The following AARS1 variants were observed in gnomAD, a reference collection of about 807,000 sequenced individuals.
The protein encoded by AARS1 is alanine--tRNA ligase, cytoplasmic.
AARS1 carries 72 observed loss-of-function variants against 108.9 expected under a neutral mutation model. The observed-to-expected ratio is 0.66, with a 90% confidence interval of 0.55 to 0.80. The LOEUF (loss-of-function observed/expected upper bound fraction) is 0.80. AARS1 is among the 30% of genes least tolerant of loss of function. AARS1 has a pLI of 0.00. For missense variants in AARS1, 1,193 were observed against 1,233.2 expected, an observed-to-expected ratio of 0.97 and a Z score of 0.49; for synonymous variants, 489 against 465.7, an observed-to-expected ratio of 1.05 and a Z score of -0.64.
At chr16:70,279,728 G>T (rs1211727397) in intron 2 of AARS1, among the ~76,000 whole-genome samples, 1 of 151,392 alleles carries the variant, frequency 6.6e-6, no homozygotes, top group Non-Finnish European at 1.5e-5. Context: ...TCTTGTTCAG[G>T]CGGCTCATGT....
chr16:70,271,626 C>T (rs1960405534), intron 5 of AARS1, among the ~76,000 whole-genome samples, 155 bp downstream of exon 5: 1 of 152,004 alleles, frequency 6.6e-6, no homozygotes, highest in African/African-American at 2.4e-5. Context: ...AGGTTTAGTT[C>T]ATGAAAGAAT....
Position 70,268,337 on chromosome 16 carries a change from G to C in AARS1, c.1005C>G (p.Ala335=). Residue 335 remains alanine, a synonymous_variant, in exon 8 of 21, where the codon GCC becomes GCG. Transcript: ENST00000261772. The part of the protein sequence containing the change: ...RRILRRAVRY[A]HEKLNASRGF... Reference sequence around the variant, plus strand: ...CCCTGCTGGCATTGAGCTTTTCATGGGCGTATCGGACAGCTCGGCGGAGAA... The same window carrying C: ...CCCTGCTGGCATTGAGCTTTTCATGCGCGTATCGGACAGCTCGGCGGAGAA... 6.2e-7 allele frequency: 1 copy of C among 1,614,098 alleles called. No individual in the cohort carries two copies. The highest frequency in any genetic ancestry group is 8.5e-7 in the Non-Finnish European group (1 of 1,180,016).
rs1194294732 is a variant in AARS1, at chr16:70,259,016, A to C, written c.1956T>G (p.Ala652=). ...CAATCATCTCATTAGCAATCTCTTC[A>C]GCCTTCTTGATCTGTTGGGTGGACA... The part of the protein sequence containing the change: ...GAMSTQQIKK[A]EEIANEMIEA... The change falls in exon 14 of 21, where the codon GCT becomes GCG. Residue 652 remains alanine, a synonymous_variant. Coordinates refer to ENST00000261772, the MANE Select transcript of AARS1 (RefSeq NM_001605.3). 2.5e-6 allele frequency: 4 copies of C among 1,614,170 alleles called. No individual in the cohort carries two copies. The highest frequency in any genetic ancestry group is 3.4e-6 in the Non-Finnish European group (4 of 1,180,024).
Position 70,253,954 on chromosome 16 carries a change from A to G in AARS1, c.2485T>C (p.Leu829=), listed in dbSNP as rs760816488. Residue 829 remains leucine (L), a synonymous_variant, in exon 18 of 21, where the codon TTG becomes CTG. Transcript: ENST00000261772. Reference sequence around the variant, plus strand: ...ACATCGGCTTTGCTGGCTCGGTCCAAGTCATCCATGACCTTCTTTAGGGAT... The same window carrying G: ...ACATCGGCTTTGCTGGCTCGGTCCAGGTCATCCATGACCTTCTTTAGGGAT... ...LKSLKKVMDD[L]DRASKADVQK... is the part of the protein sequence containing the mutation. The G allele has an allele frequency of 1.9e-5, 30 of 1,614,104 alleles. No homozygotes were observed. The Admixed American group carries it at 2.8e-4, about 15-fold the overall frequency.
At chr16:70,265,911 G>A (rs567444788) in intron 9 of AARS1, among the ~76,000 whole-genome samples, 1 of 152,300 alleles carries the variant, frequency 6.6e-6, no homozygotes, top group Admixed American at 6.5e-5. Flanking sequence ...GGGCACCGTG[G>A]CTCGCGCCTG....
At chr16:70,264,694 G>C (rs1960223067) in intron 11 of AARS1, among the ~76,000 whole-genome samples, 1 of 151,954 alleles carries the variant, frequency 6.6e-6, no homozygotes, top group Admixed American at 6.6e-5. Flanking sequence ...TACAATTAGG[G>C]GAAACTGGAT....
chr16:70,256,848 C>T (rs1457856417), intron 15 of AARS1, among the ~76,000 whole-genome samples: 1 of 151,980 alleles, frequency 6.6e-6, no homozygotes, highest in Non-Finnish European at 1.5e-5. Context: ...GGCGTGGTGG[C>T]TCACACCTGT....
intron 16 of AARS1, among the ~76,000 whole-genome samples, chr16:70,255,193 CATT>C (rs1228581690): frequency 8.0e-6 from 1 of 124,740 alleles, no homozygotes; most frequent in Non-Finnish European, 1.7e-5. Context: ...GCCAGATTCA[CATT>C]TTTTTTTTTT....
chr16:70,267,510 A>G (rs1960290322), intron 9 of AARS1, 149 bp downstream of exon 9: 2 of 968,728 alleles, frequency 2.1e-6, no homozygotes, highest in African/African-American at 1.6e-5. Flanking sequence ...CCATTTTACT[A>G]TAAATTCCAG....
intron 2 of AARS1, among the ~76,000 whole-genome samples, chr16:70,277,569 A>C (rs538218706): frequency 1.9e-4 from 29 of 152,292 alleles, no homozygotes; most frequent in Non-Finnish European, 3.5e-4. Flanking sequence ...AAAAACTGAC[A>C]CATATTAAGG....
At chr16:70,288,626 G>C (rs997107464) in intron 1 of AARS1, among the ~76,000 whole-genome samples, 1 of 146,510 alleles carries the variant, frequency 6.8e-6, no homozygotes, top group African/African-American at 2.5e-5. Context: ...GAGTGCAATG[G>C]TGTGATCTCA....
chr16:70,259,606 C>T (rs932992621), intron 13 of AARS1, among the ~76,000 whole-genome samples: 14 of 152,050 alleles, frequency 9.2e-5, no homozygotes, highest in African/African-American at 2.4e-4. Flanking sequence ...CCTCAGCCTC[C>T]CAAGTAGCTG....
intron 1 of AARS1, among the ~76,000 whole-genome samples, chr16:70,283,262 T>A (rs1180944835): frequency 6.6e-6 from 1 of 152,052 alleles, no homozygotes; most frequent in East Asian, 1.9e-4. Context: ...CTGGGCATGG[T>A]GGTGCGTGCC....
chr16:70,254,841 AC>A, intron 16 of AARS1, 107 bp from the exon 17 acceptor site: 1 of 721,666 alleles, frequency 1.4e-6, no homozygotes. Context: ...GCAGCAACAT[AC>A]CCCAACACCC....
In AARS1 at chr16:70,258,221, C is replaced by A; in HGVS notation, c.1993-4G>T. On this transcript the variant is annotated splice_polypyrimidine_tract_variant and splice_region_variant and intron_variant, in intron 14 of 20. Coordinates refer to ENST00000261772, the MANE Select transcript of AARS1 (RefSeq NM_001605.3). ...GGCAATCCTGGGTATAGACGGCCTG[C>A]CAGACCAAGAAGACAGAAAAGAGCT... The A allele has an allele frequency of 6.3e-7, 1 of 1,584,088 alleles. No homozygotes were observed. Among genetic ancestry groups the A allele is most frequent in the Non-Finnish European group, 8.6e-7 (1 of 1,164,142 alleles).
rs1456044300 is a variant in AARS1, at chr16:70,289,451, C to G, written c.-52G>C. ...CTAGGGTCGCCGTCCCCAGCTCCTC[C>G]CTCAGAGTCCCCCGCCAAGGGCCCG... is the stretch of plus-strand genomic sequence containing the variant. On this transcript the variant is annotated 5_prime_UTR_variant, in exon 1 of 21. Transcript: ENST00000261772. 4.8e-6 allele frequency: 2 copies of G among 415,232 alleles called. No homozygotes were observed. Among genetic ancestry groups the G allele is most frequent in the East Asian group, 1.4e-4 (2 of 14,190 alleles). 25.7% of individuals were successfully genotyped at this position (415,232 alleles called of 1,614,324 possible). A position where few individuals can be genotyped will look rare whatever the true frequency, so the allele number is the denominator to read the frequency against.
chr16:70,279,899 T>C (rs1960653415), intron 2 of AARS1, among the ~76,000 whole-genome samples: 1 of 152,032 alleles, frequency 6.6e-6, no homozygotes, highest in Non-Finnish European at 1.5e-5. Flanking sequence ...TTTTCTTTTT[T>C]TTCCATTTTG....
In AARS1 at chr16:70,252,482, G is replaced by A. The variant is rs1959864180; in HGVS notation, c.*239C>T. The A allele has an allele frequency of 5.2e-6, 3 of 572,584 alleles. No homozygotes were observed. Among genetic ancestry groups the A allele is most frequent in the African/African-American group, 3.7e-5 (2 of 53,382 alleles). The allele number at this position is 572,584 out of a possible 1,614,324, so 35.5% of individuals were successfully genotyped here. A position where few individuals can be genotyped will look rare whatever the true frequency, so the allele number is the denominator to read the frequency against. ...GTCTGGAGAGCCGTTATCTATAGAT[G>A]CGAGCGTGACGATCAACAGCAATGC... is the stretch of plus-strand genomic sequence containing the variant. On this transcript the variant is annotated 3_prime_UTR_variant, in exon 21 of 21. Coordinates refer to ENST00000261772, the MANE Select transcript of AARS1 (RefSeq NM_001605.3).
intron 5 of AARS1, among the ~76,000 whole-genome samples, chr16:70,271,091 C>T (rs1960389814): frequency 1.3e-5 from 2 of 151,998 alleles, no homozygotes; most frequent in Non-Finnish European, 2.9e-5. Context: ...AGGAGAATCG[C>T]TTGAACCCAG....
Sources: allele counts gnomAD v4.1 joint callset (sites outside exome capture counted in the v4.1 genomes callset), GRCh38; gene constraint gnomAD v4.1.1; transcripts MANE v1.5; gene names NCBI Gene and HGNC (gene_info 2026-07-23, HGNC 2026-07-21).